The following CLOCK variants were observed in gnomAD, a reference collection of about 807,000 sequenced individuals.
The protein encoded by CLOCK is clock circadian regulator.
Under a neutral mutation model 118.4 loss-of-function variants are expected in CLOCK, and 43 were observed. That is an observed-to-expected ratio of 0.36 (90% CI 0.28 to 0.47). The LOEUF is 0.47. CLOCK is among the 20% of genes least tolerant of loss of function. The pLI is 1.00. For missense variants in CLOCK, 846 were observed against 999.9 expected, an observed-to-expected ratio of 0.85 and a Z score of 2.08; for synonymous variants, 326 against 339.2, an observed-to-expected ratio of 0.96 and a Z score of 0.43.
At position 55,443,691 on chromosome 4, in the gene CLOCK, G is replaced by GTTGATGTAC. The variant is rs1414120232; in HGVS notation, c.1889_1897dup (p.Ser630_Ser632dup). 6.2e-7 allele frequency: 1 copy of GTTGATGTAC among 1,613,276 alleles called. No homozygotes were observed. Among genetic ancestry groups the GTTGATGTAC allele is most frequent in the Non-Finnish European group, 8.5e-7 (1 of 1,179,382 alleles). ...CGCTGTGCTCAGTAACATTACCTGA[G>GTTGATGTAC]TTGATGTACTCTGTAAAGTCTGTTG... On this transcript the variant is annotated inframe_insertion, in exon 20 of 23. Transcript: ENST00000513440.
At chr4:55,445,702 C>T (rs951520061) in intron 18 of CLOCK, among the ~76,000 whole-genome samples, 3 of 148,716 alleles carry the variant, frequency 2.0e-5, no homozygotes, top group Admixed American at 6.8e-5. Context: ...GAGCTCCTCC[C>T]ATCTCAGCCT....
intron 7 of CLOCK, among the ~76,000 whole-genome samples, chr4:55,471,994 C>T (rs1345271464): frequency 6.6e-6 from 1 of 152,018 alleles, no homozygotes; most frequent in Non-Finnish European, 1.5e-5. Context: ...TCACTTGAGC[C>T]CAGGAAGTTG....
chr4:55,488,506 G>A (rs1727458226), intron 3 of CLOCK, among the ~76,000 whole-genome samples: 2 of 152,200 alleles, frequency 1.3e-5, no homozygotes, highest in Admixed American at 1.3e-4. Context: ...CCCCCAACCT[G>A]ATCTCCATAT....
At chr4:55,487,982 T>C (rs1727408369) in intron 3 of CLOCK, among the ~76,000 whole-genome samples, 1 of 152,314 alleles carries the variant, frequency 6.6e-6, no homozygotes, top group East Asian at 1.9e-4. Flanking sequence ...TTAATTGTAT[T>C]GTTTGCCATC....
At chr4:55,476,099 G>T in intron 6 of CLOCK, 45 bp from the exon 7 acceptor site, 1 of 1,282,228 alleles carries the variant, frequency 7.8e-7, no homozygotes, top group South Asian at 1.2e-5. Context: ...AACCACCGGA[G>T]GAGTACAAAA....
Position 55,480,079 on chromosome 4 carries a change from A to G in CLOCK, c.48-380T>C, listed in dbSNP as rs1254284990. Among the ~76,000 whole-genome samples the G allele has an allele frequency of 5.3e-5, 8 of 152,312 alleles. No individual in the cohort carries two copies. In the East Asian group the frequency reaches 1.5e-3, roughly 29 times the overall value. On this transcript the variant is annotated intron_variant, in intron 4 of 22. Transcript: ENST00000513440. ...CAGCATAATTTAAATTTTTTCTTAG[A>G]TATTTACTTTCTAAAACCACAATTA...
chr4:55,450,199 T>G lies in CLOCK; in HGVS notation c.1240A>C (p.Thr414Pro). ...QDSGSDNRIN[T>P]VSLKEALERF... is the part of the protein sequence containing the mutation. ...TCCAATGCTTCCTTGAGACTGACTG[T>G]GTTTATACGATTATCTGACCCAGAA... The change falls in exon 16 of 23, where the codon ACA becomes CCA. Residue 414 changes from threonine (T) to proline (P), a missense_variant. Around this residue, in one of 4 missense-constraint regions of CLOCK, gnomAD observed 520 missense variants for 558.0 expected, o/e 0.93. Coordinates refer to ENST00000513440, the MANE Select transcript of CLOCK (RefSeq NM_004898.4). The G allele has an allele frequency of 6.2e-7, 1 of 1,614,030 alleles. No individual in the cohort carries two copies. The highest frequency in any genetic ancestry group is 8.5e-7 in the Non-Finnish European group (1 of 1,179,946).
rs1302481901 is a variant in CLOCK, at chr4:55,448,714, T to C, written c.1539+65A>G. ...CAGCAAGCCTGGATTTTTAAAAAAA[T>C]TACATTAGCTTAAAAGCAATTTATC... is the stretch of plus-strand genomic sequence containing the variant. On this transcript the variant is annotated intron_variant, in intron 18 of 22. Transcript: ENST00000513440. The C allele has an allele frequency of 3.0e-6, 4 of 1,341,536 alleles. No individual in the cohort carries two copies. The East Asian group carries it at 1.1e-4, about 35-fold the overall frequency. The allele number at this position is 1,341,536 out of a possible 1,614,324, so 83.1% of individuals were successfully genotyped here.
At chr4:55,492,802 G>A (rs1339393936) in intron 2 of CLOCK, among the ~76,000 whole-genome samples, 6 of 150,788 alleles carry the variant, frequency 4.0e-5, no homozygotes, top group Non-Finnish European at 8.8e-5. Flanking sequence ...CCGAGATAGC[G>A]CCACTGCACT....
chr4:55,523,203 G>C (rs1729954073), intron 1 of CLOCK, among the ~76,000 whole-genome samples: 1 of 152,174 alleles, frequency 6.6e-6, no homozygotes, highest in African/African-American at 2.4e-5. Context: ...GGGAGGCTGA[G>C]GCAGGAGAAT....
intron 9 of CLOCK, among the ~76,000 whole-genome samples, chr4:55,461,340 G>T (rs774267504): frequency 6.6e-6 from 1 of 152,056 alleles, no homozygotes; most frequent in Non-Finnish European, 1.5e-5. Context: ...ACCAGATGAC[G>T]AAAGTGGCAG....
At chr4:55,526,065 T>C (rs1730165615) in intron 1 of CLOCK, among the ~76,000 whole-genome samples, 1 of 152,172 alleles carries the variant, frequency 6.6e-6, no homozygotes, top group African/African-American at 2.4e-5. Flanking sequence ...GATACTCAAC[T>C]GAAAAGTATA....
In CLOCK at chr4:55,430,355, A is replaced by G. The variant is rs984550680; in HGVS notation, c.*5060T>C. 13 of 152,204 alleles carry G rather than the reference A, an allele frequency of 8.5e-5. No homozygotes were observed. The highest frequency in any genetic ancestry group is 2.9e-4 in the African/African-American group (12 of 41,456). The allele number at this position is 152,204 out of a possible 1,614,324, so 9.4% of individuals were successfully genotyped here. ...CACAACAAAACCTGCAGAGTATTTT[A>G]TTTAAGAAAAACAAGGAATGTAGTG... is the stretch of plus-strand genomic sequence containing the variant. On this transcript the variant is annotated 3_prime_UTR_variant, in exon 23 of 23. Coordinates refer to ENST00000513440, the MANE Select transcript of CLOCK (RefSeq NM_004898.4).
intron 1 of CLOCK, among the ~76,000 whole-genome samples, chr4:55,542,368 TAA>T (rs1560489938): frequency 0.085 from 4,880 of 57,594 alleles, 112 homozygotes; most frequent in South Asian, 0.17. Flanking sequence ...ATAATAATAA[TAA>T]TAATAATAAT....
At chr4:55,504,584 A>G (rs1476318848) in intron 2 of CLOCK, among the ~76,000 whole-genome samples, 1 of 152,124 alleles carries the variant, frequency 6.6e-6, no homozygotes, top group Non-Finnish European at 1.5e-5. Flanking sequence ...ATTTTTATGG[A>G]GCTGAGAACA....
At chr4:55,480,105 C>T (rs113372211) in intron 4 of CLOCK, among the ~76,000 whole-genome samples, 2,575 of 152,264 alleles carry the variant, frequency 0.017, 72 homozygotes, top group African/African-American at 0.058. Flanking sequence ...ACCACAATTA[C>T]TCGTAAACAT....
intron 18 of CLOCK, among the ~76,000 whole-genome samples, 178 bp downstream of exon 18, chr4:55,448,601 C>CGCGCGTGTGTGTGTGTGTGT (rs764071880): frequency 1.7e-5 from 2 of 116,980 alleles, no homozygotes; most frequent in Non-Finnish European, 3.6e-5. Flanking sequence ...CGCACGCGCG[C>CGCGCGTGTGTGTGTGTGTGT]GTGTGTGTGT....
intron 16 of CLOCK, 90 bp from the exon 17 acceptor site, chr4:55,449,586 T>G: frequency 1.7e-6 from 2 of 1,153,428 alleles, no homozygotes; most frequent in Non-Finnish European, 2.6e-6. Context: ...TTAATAAAAA[T>G]GGCTTTTGAA....
chr4:55,541,192 T>C (rs544494824), intron 1 of CLOCK, among the ~76,000 whole-genome samples: 2 of 152,332 alleles, frequency 1.3e-5, no homozygotes, highest in Admixed American at 1.3e-4. Flanking sequence ...TATCCACCTG[T>C]TTCACAGAAG....
Sources: allele counts gnomAD v4.1 joint callset (sites outside exome capture counted in the v4.1 genomes callset), GRCh38; gene constraint gnomAD v4.1.1; regional missense constraint gnomAD v4.1.1; transcripts MANE v1.5; gene names NCBI Gene and HGNC (gene_info 2026-07-23, HGNC 2026-07-21).